Variants in HTT observed in about 807,000 individuals in gnomAD.
HTT encodes the protein huntington disease protein.
In HTT, 104 loss-of-function variants were observed where a neutral mutation model predicts 362.3. The observed-to-expected ratio is 0.29, with a 90% CI of 0.24 to 0.34. HTT has a LOEUF of 0.34. HTT is among the 10% of genes least tolerant of loss of function. The pLI is 1.00. For missense variants in HTT, 3,301 were observed against 3,928.6 expected, an observed-to-expected ratio of 0.84 and a Z score of 4.27; for synonymous variants, 1,577 against 1,548.7, an observed-to-expected ratio of 1.02 and a Z score of -0.43.
At chr4:3,232,729 C>T (rs940505892) in intron 60 of HTT, among the ~76,000 whole-genome samples, 3 of 152,252 alleles carry the variant, frequency 2.0e-5, no homozygotes, top group African/African-American at 4.8e-5. Flanking sequence ...CCTCTCCCAG[C>T]GGGGTCGTGC....
At position 3,107,509 on chromosome 4, in the gene HTT, T is replaced by C. The variant is rs1714493035; in HGVS notation, c.747+86T>C. On this transcript the variant is annotated intron_variant, in intron 6 of 66. Transcript: ENST00000355072. ...GTGAGGGCTTCTGAACAGGGAGTCCTGTGGGAGTGCTTCTTGGGGTATGTT... is the reference window on the plus strand; with the variant it reads ...GTGAGGGCTTCTGAACAGGGAGTCCCGTGGGAGTGCTTCTTGGGGTATGTT... 1.7e-5 allele frequency: 23 copies of C among 1,349,852 alleles called. No homozygotes were observed. The South Asian group carries it at 2.6e-4, about 15-fold the overall frequency. The allele number at this position is 1,349,852 out of a possible 1,614,324, so 83.6% of individuals were successfully genotyped here. A position where few individuals can be genotyped will look rare whatever the true frequency, so the allele number is the denominator to read the frequency against.
chr4:3,163,841 A>G (rs1717566868), intron 29 of HTT, among the ~76,000 whole-genome samples: 1 of 151,504 alleles, frequency 6.6e-6, no homozygotes, highest in South Asian at 2.1e-4. Flanking sequence ...CTAGCGGTCT[A>G]CCTATTTTAT....
intron 46 of HTT, 125 bp from the exon 47 acceptor site, chr4:3,209,701 CG>C (rs1720050086): frequency 8.6e-7 from 1 of 1,161,796 alleles, no homozygotes; most frequent in South Asian, 1.4e-5. Flanking sequence ...CACAGCCTGC[CG>C]GCCGGCAGCC....
At chr4:3,191,022 T>A (rs1286432410) in intron 40 of HTT, among the ~76,000 whole-genome samples, 6 of 152,170 alleles carry the variant, frequency 3.9e-5, no homozygotes, top group Admixed American at 3.9e-4. Context: ...AAGCCCTTGA[T>A]ATTAAAAAGG....
At chr4:3,125,129 T>A (rs1715463527) in intron 10 of HTT, among the ~76,000 whole-genome samples, 1 of 152,202 alleles carries the variant, frequency 6.6e-6, no homozygotes, top group Non-Finnish European at 1.5e-5. Context: ...TTTTAGGTAT[T>A]AGAGTTTTAT....
In HTT at chr4:3,180,610, G is replaced by A. The variant is rs761339971; in HGVS notation, c.4708G>A (p.Val1570Met). Reference protein sequence around the residue: ...AGKELETQKEVVVSMLLRLIQ... With the variant: ...AGKELETQKEMVVSMLLRLIQ... Reference sequence around the variant, plus strand: ...AAAAGAGCTTGAAACCCAAAAAGAGGTGGTGGTGTCAATGTTACTGAGACT... The same window carrying A: ...AAAAGAGCTTGAAACCCAAAAAGAGATGGTGGTGTCAATGTTACTGAGACT... The change falls in exon 36 of 67, where the codon GTG becomes ATG. Residue 1570 changes from valine (V) to methionine (M), a missense_variant. Physicochemically the swap from Val to Met is conservative, Grantham distance 21. Transcript: ENST00000355072. The A allele has an allele frequency of 6.8e-6, 11 of 1,613,520 alleles. No individual in the cohort carries two copies. The Admixed American group carries it at 1.3e-4, about 20-fold the overall frequency.
chr4:3,176,015 G>T (rs1402778776), intron 33 of HTT, among the ~76,000 whole-genome samples: 5 of 143,664 alleles, frequency 3.5e-5, no homozygotes, highest in African/African-American at 1.4e-4. Flanking sequence ...TTTTTTTGTT[G>T]TTGTTGTTTG....
intron 31 of HTT, among the ~76,000 whole-genome samples, chr4:3,173,648 A>T (rs1455432899): frequency 6.6e-6 from 1 of 151,816 alleles, no homozygotes; most frequent in Non-Finnish European, 1.5e-5. Context: ...CTTTATGACT[A>T]GAAGTCTCTT....
At chr4:3,175,985 T>C (rs1718218829) in intron 33 of HTT, among the ~76,000 whole-genome samples, 1 of 151,980 alleles carries the variant, frequency 6.6e-6, no homozygotes, top group African/African-American at 2.4e-5. Flanking sequence ...ACAGTGGGTA[T>C]TGGGGTGGTA....
At chr4:3,166,451 AGCT>A (rs1717710406) in intron 29 of HTT, among the ~76,000 whole-genome samples, 1 of 152,146 alleles carries the variant, frequency 6.6e-6, no homozygotes, top group Non-Finnish European at 1.5e-5. Context: ...CTCTCTTCAG[AGCT>A]GTCAGGCACG....
At position 3,228,549 on chromosome 4, in the gene HTT, A is replaced by G. The variant is rs902938819; in HGVS notation, c.7849-66A>G. On this transcript the variant is annotated intron_variant, in intron 57 of 66. Coordinates refer to ENST00000355072, the MANE Select transcript of HTT (RefSeq NM_001388492.1). The surrounding 1 kb of genome is among the most constrained non-coding windows in gnomAD (Gnocchi z 4.3). ...AGGCATGTGCTGAGTCCCAGTGGCC[A>G]CACCCACCCACCAGGAGCCTGGCAC... 7.8e-5 allele frequency: 117 copies of G among 1,502,330 alleles called. No homozygotes were observed. Among genetic ancestry groups the G allele is most frequent in the Non-Finnish European group, 1.0e-4 (116 of 1,124,520 alleles). The allele number at this position is 1,502,330 out of a possible 1,614,324, so 93.1% of individuals were successfully genotyped here.
chr4:3,235,414 C>A lies in HTT; in HGVS notation c.8571+16C>A, dbSNP rs775978417. 1 of 1,539,644 alleles carries A rather than the reference C, an allele frequency of 6.5e-7. No homozygotes were observed. The highest frequency in any genetic ancestry group is 9.0e-7 in the Non-Finnish European group (1 of 1,112,184). On this transcript the variant is annotated intron_variant, in intron 62 of 66. Coordinates refer to ENST00000355072, the MANE Select transcript of HTT (RefSeq NM_001388492.1). ...AATAATACAGGTGAGTGGGCCCTGG[C>A]TGTCTTCCTCTGCACACGGGGAGTG...
intron 61 of HTT, among the ~76,000 whole-genome samples, chr4:3,234,636 T>TG (rs1721431257): frequency 6.6e-6 from 1 of 152,194 alleles, no homozygotes; most frequent in Admixed American, 6.5e-5. Context: ...GCAGAGAGCT[T>TG]GTGGCATCCA....
In HTT at chr4:3,102,830, G is replaced by A. The variant is rs534141704; in HGVS notation, c.469-994G>A. On this transcript the variant is annotated intron_variant, in intron 3 of 66. Coordinates refer to ENST00000355072, the MANE Select transcript of HTT (RefSeq NM_001388492.1). ...CTCTAATGTGGACTTTGTGCCGTTA[G>A]CATCGTTACTAGCTTGAAGTTGACC... is the stretch of plus-strand genomic sequence containing the variant. 3.3e-5 allele frequency among the ~76,000 whole-genome samples: 5 copies of A among 152,348 alleles called. No individual in the cohort carries two copies. The East Asian group carries it at 9.6e-4, about 29-fold the overall frequency.
chr4:3,079,831 T>C (rs1578480472), intron 1 of HTT, among the ~76,000 whole-genome samples: 1 of 152,138 alleles, frequency 6.6e-6, no homozygotes, highest in East Asian at 1.9e-4. Flanking sequence ...CAGATAAGCA[T>C]GGTGGGTTCT....
Position 3,174,933 on chromosome 4 carries a change from T to C in HTT, c.4246-13T>C, listed in dbSNP as rs1254641060. The C allele has an allele frequency of 1.9e-6, 3 of 1,561,444 alleles. No individual in the cohort carries two copies. Among genetic ancestry groups the C allele is most frequent in the Non-Finnish European group, 2.6e-6 (3 of 1,149,772 alleles). On this transcript the variant is annotated splice_polypyrimidine_tract_variant and intron_variant, in intron 32 of 66. Coordinates refer to ENST00000355072, the MANE Select transcript of HTT (RefSeq NM_001388492.1). ...ACTTATGGATTCTTTCTTTCTTTTTTTCTTTTTTATAGAATGCTATTCATA... is the reference window on the plus strand; with the variant it reads ...ACTTATGGATTCTTTCTTTCTTTTTCTCTTTTTTATAGAATGCTATTCATA...
At chr4:3,210,044 A>T in intron 47 of HTT, 95 bp downstream of exon 47, 1 of 1,488,018 alleles carries the variant, frequency 6.7e-7, no homozygotes, top group East Asian at 2.3e-5. Context: ...CTTGTTGACA[A>T]CACATGTTGG....
At chr4:3,080,993 TTG>T (rs1712869242) in intron 1 of HTT, among the ~76,000 whole-genome samples, 1 of 152,258 alleles carries the variant, frequency 6.6e-6, no homozygotes. Flanking sequence ...TTACTGAAGT[TTG>T]TGTCACAGTT....
chr4:3,111,741 G>A (rs1032696544), intron 6 of HTT, among the ~76,000 whole-genome samples: 6 of 152,086 alleles, frequency 3.9e-5, no homozygotes, highest in African/African-American at 1.2e-4. Context: ...AATCTTTGCC[G>A]GAGGTGGGGG....
Sources: allele counts gnomAD v4.1 joint callset (sites outside exome capture counted in the v4.1 genomes callset), GRCh38; gene constraint gnomAD v4.1.1; non-coding constraint Gnocchi (gnomAD v3.1); transcripts MANE v1.5; gene names NCBI Gene and HGNC (gene_info 2026-07-23, HGNC 2026-07-21).